Variants in OR51B5 observed in about 807,000 individuals in gnomAD.
OR51B5 encodes the protein olfactory receptor family 51 subfamily B member 5.
For missense variants in OR51B5, 456 were observed against 374.6 expected (o/e 1.22, Z -1.79); for synonymous variants, 186 against 144.8 (o/e 1.28, Z -2.04).
At chr11:5,492,382 T>C (rs973240136) in intron 1 of OR51B5, among the ~76,000 whole-genome samples, 6 of 152,336 alleles carry the variant, frequency 3.9e-5, no homozygotes, top group Middle Eastern at 3.4e-3. Context: ...TTTATTGTGA[T>C]GTGCTAACAA....
At chr11:5,458,394 T>C (rs1850993830) in intron 1 of OR51B5, among the ~76,000 whole-genome samples, 2 of 152,234 alleles carry the variant, frequency 1.3e-5, no homozygotes, top group South Asian at 4.1e-4. Flanking sequence ...GGTGATGTGA[T>C]GCCTCTGGTT....
chr11:5,486,387 G>A (rs1423497385), intron 1 of OR51B5, among the ~76,000 whole-genome samples: 2 of 146,852 alleles, frequency 1.4e-5, no homozygotes, highest in African/African-American at 5.1e-5. Context: ...TGTTACCCCA[G>A]TTCCACACAG....
chr11:5,360,185 A>T (rs1849258919), intron 1 of OR51B5, among the ~76,000 whole-genome samples: 1 of 129,072 alleles, frequency 7.7e-6, no homozygotes, highest in South Asian at 2.5e-4. Flanking sequence ...AGCAAAAGAA[A>T]CTACCATCAG....
chr11:5,376,044 T>C (rs571868982), intron 1 of OR51B5, among the ~76,000 whole-genome samples: 19 of 152,236 alleles, frequency 1.2e-4, no homozygotes, highest in African/African-American at 4.8e-5. Flanking sequence ...TATTCCAAAA[T>C]TGACCACATA....
intron 1 of OR51B5, chr11:5,389,521 C>A: frequency 2.5e-6 from 4 of 1,613,986 alleles, no homozygotes; most frequent in South Asian, 2.2e-5. Context: ...GGATTTTCAT[C>A]CCCTTTTTCT....
chr11:5,399,725 C>A (rs929025645), intron 1 of OR51B5, among the ~76,000 whole-genome samples: 1 of 150,012 alleles, frequency 6.7e-6, no homozygotes, highest in East Asian at 2.0e-4. Context: ...TGACCCTTAT[C>A]TGGCGGTAGA....
intron 1 of OR51B5, chr11:5,389,464 C>T: frequency 6.2e-7 from 1 of 1,613,986 alleles, no homozygotes; most frequent in Middle Eastern, 1.6e-4. Context: ...AGTTTAGCCC[C>T]ATATTCTATC....
intron 1 of OR51B5, among the ~76,000 whole-genome samples, chr11:5,467,847 T>C (rs1002959507): frequency 1.3e-5 from 2 of 152,188 alleles, no homozygotes; most frequent in African/African-American, 4.8e-5. Context: ...ATTTGGAGTG[T>C]TGATTAGCTG....
At chr11:5,477,593 T>C (rs1056809886) in intron 1 of OR51B5, among the ~76,000 whole-genome samples, 2 of 152,176 alleles carry the variant, frequency 1.3e-5, no homozygotes, top group Non-Finnish European at 2.9e-5. Context: ...CATTTCCATC[T>C]GAGGTACCGG....
intron 1 of OR51B5, among the ~76,000 whole-genome samples, chr11:5,359,159 G>A (rs1307746438): frequency 2.0e-5 from 3 of 151,714 alleles, no homozygotes; most frequent in African/African-American, 4.8e-5. Flanking sequence ...TTAGGCAGGA[G>A]AAGGAAAAAA....
chr11:5,417,428 G>A (rs1850260353), intron 1 of OR51B5, among the ~76,000 whole-genome samples: 1 of 151,896 alleles, frequency 6.6e-6, no homozygotes, highest in Non-Finnish European at 1.5e-5. Context: ...TTGACAAATG[G>A]GATCTAATTA....
intron 1 of OR51B5, among the ~76,000 whole-genome samples, chr11:5,381,251 C>T (rs915942130): frequency 6.6e-6 from 1 of 152,124 alleles, no homozygotes; most frequent in African/African-American, 2.4e-5. Context: ...TACAGTGACA[C>T]TTTTCACTTT....
intron 1 of OR51B5, among the ~76,000 whole-genome samples, chr11:5,358,696 A>G (rs375415840): frequency 0.37 from 56,392 of 151,052 alleles, 10,769 homozygotes; most frequent in Non-Finnish European, 0.4. Context: ...ACAAAAAAAG[A>G]GAATTTTAGA....
chr11:5,454,142 T>A, intron 1 of OR51B5: 1 of 1,614,202 alleles, frequency 6.2e-7, no homozygotes, highest in South Asian at 1.1e-5. Context: ...TCCTCTCCTA[T>A]GTGCTCATTC....
chr11:5,428,503 A>T lies in OR51B5; in HGVS notation n.84+77066T>A, dbSNP rs548643264. Reference sequence around the variant, plus strand: ...ACCTTCAATTTGTAAAAAATGCGACATCTATGAGGCACAATAAAGTGAAGC... The same window carrying T: ...ACCTTCAATTTGTAAAAAATGCGACTTCTATGAGGCACAATAAAGTGAAGC... On this transcript the variant is annotated intron_variant and non_coding_transcript_variant, in intron 1 of 4. Transcript: ENST00000415970. 3.3e-5 allele frequency among the ~76,000 whole-genome samples: 5 copies of T among 152,352 alleles called. No homozygotes were observed. The East Asian group carries it at 7.7e-4, about 23-fold the overall frequency.
chr11:5,490,800 G>A (rs576522767), intron 1 of OR51B5, among the ~76,000 whole-genome samples: 3 of 152,218 alleles, frequency 2.0e-5, no homozygotes, highest in Admixed American at 6.5e-5. Context: ...CAAGAATTAG[G>A]GCATCCCACT....
rs141805648 is a variant in OR51B5, at chr11:5,364,747, A to G, written n.85-17837T>C. Among the ~76,000 whole-genome samples the G allele has an allele frequency of 3.9e-3, 594 of 152,266 alleles. 2 individuals are homozygous for G. The highest frequency in any genetic ancestry group is 0.01 in the African/African-American group (425 of 41,548). On this transcript the variant is annotated intron_variant and non_coding_transcript_variant, in intron 1 of 4. Coordinates refer to the OR51B5 transcript ENST00000415970. The stretch of plus-strand genomic sequence containing the variant: ...AGAAGACTCTTCAAAGTGAATGATC[A>G]AAGTCCCTTGTTTACAGGGTCCCCC...
chr11:5,384,224 C>T (rs1849651697), intron 1 of OR51B5, among the ~76,000 whole-genome samples: 1 of 152,102 alleles, frequency 6.6e-6, no homozygotes, highest in Non-Finnish European at 1.5e-5. Flanking sequence ...ACCCAGGCTA[C>T]AGTGCAGTGG....
rs1554885859 is a variant in OR51B5, at chr11:5,381,174, T to TCACACACA, written n.85-34272_85-34265dup. Among the ~76,000 whole-genome samples, 994 of 148,396 alleles carry TCACACACA rather than the reference T, an allele frequency of 6.7e-3. 12 individuals are homozygous for TCACACACA. The highest frequency in any genetic ancestry group is 0.024 in the African/African-American group (946 of 40,020). On this transcript the variant is annotated intron_variant and non_coding_transcript_variant, in intron 1 of 4. Transcript: ENST00000415970. ...CGCTCGCTGTTTCTCTCTCTCTCTCTCACACACACACAAACAATATTACAT... is the reference window on the plus strand; with the variant it reads ...CGCTCGCTGTTTCTCTCTCTCTCTCTCACACACACACACACACACAAACAATATTACAT...
Sources: gnomAD v4.1 joint callset for allele counts (sites outside exome capture counted in the v4.1 genomes callset) on GRCh38, gnomAD v4.1.1 for gene constraint, MANE v1.5 for transcripts, NCBI Gene and HGNC (gene_info 2026-07-23, HGNC 2026-07-21) for gene names.